The following YBX1 variants were observed in gnomAD, a reference collection of about 807,000 sequenced individuals.
The protein encoded by YBX1 is Y-box-binding protein 1.
In YBX1, 3 loss-of-function variants were observed where a neutral mutation model predicts 41.4. The observed-to-expected ratio is 0.07, with a 90% CI of 0.03 to 0.19. The LOEUF is 0.19. YBX1 is among the 10% of genes least tolerant of loss of function. The pLI, the probability that YBX1 is intolerant of heterozygous loss-of-function variation, is 1.00. For missense variants in YBX1, 274 were observed against 462.8 expected (o/e 0.59, Z 3.74); for synonymous variants, 133 against 165.8 (o/e 0.80, Z 1.52).
intron 2 of YBX1, among the ~76,000 whole-genome samples, chr1:42,689,442 T>C (rs972300098): frequency 6.6e-6 from 1 of 152,232 alleles, no homozygotes; most frequent in Admixed American, 6.5e-5. Context: ...TCTGGTGATC[T>C]GCAACAAAGT....
intron 2 of YBX1, among the ~76,000 whole-genome samples, chr1:42,687,123 A>G (rs1373716304): frequency 1.3e-5 from 2 of 152,176 alleles, no homozygotes; most frequent in Admixed American, 6.5e-5. Context: ...TGGGATTGTT[A>G]AAAGTTCTAG....
At chr1:42,689,129 G>T (rs1002067849) in intron 2 of YBX1, among the ~76,000 whole-genome samples, 1 of 152,184 alleles carries the variant, frequency 6.6e-6, no homozygotes, top group African/African-American at 2.4e-5. Context: ...TGGGGCTGCA[G>T]TTGCTGAGTT....
chr1:42,684,239 G>T (rs1183046898), intron 2 of YBX1, among the ~76,000 whole-genome samples: 1 of 152,200 alleles, frequency 6.6e-6, no homozygotes, highest in African/African-American at 2.4e-5. Context: ...CTTACCCTTC[G>T]GGTTGTTTGT....
At chr1:42,689,289 C>G (rs865873410) in intron 2 of YBX1, among the ~76,000 whole-genome samples, 1 of 152,308 alleles carries the variant, frequency 6.6e-6, no homozygotes, top group Middle Eastern at 3.4e-3. Flanking sequence ...TATTATCTTA[C>G]AGTCATCTAC....
chr1:42,689,952 T>C lies in YBX1; in HGVS notation c.231-3538T>C, dbSNP rs867365287. On this transcript the variant is annotated intron_variant, in intron 2 of 7. Coordinates refer to ENST00000321358, the MANE Select transcript of YBX1 (RefSeq NM_004559.5). ...ACTAAAAAGATTTGAGTACCTACCTTAGTAATGTAAGTTATTAAGTGTTTA... is the reference window on the plus strand; with the variant it reads ...ACTAAAAAGATTTGAGTACCTACCTCAGTAATGTAAGTTATTAAGTGTTTA... Among the ~76,000 whole-genome samples, 6 of 152,308 alleles carry C rather than the reference T, an allele frequency of 3.9e-5. No individual in the cohort carries two copies. The South Asian group carries it at 6.2e-4, about 16-fold the overall frequency.
chr1:42,686,006 A>G lies in YBX1; in HGVS notation c.230+2540A>G, dbSNP rs184657142. On this transcript the variant is annotated intron_variant, in intron 2 of 7. Coordinates refer to ENST00000321358, the MANE Select transcript of YBX1 (RefSeq NM_004559.5). ...GAAATTCTAAGAAATTCATTGAGTTATTCTTTTGTGAACTGTGTCTACAAA... is the reference window on the plus strand; with the variant it reads ...GAAATTCTAAGAAATTCATTGAGTTGTTCTTTTGTGAACTGTGTCTACAAA... Among the ~76,000 whole-genome samples, 528 of 152,324 alleles carry G rather than the reference A, an allele frequency of 3.5e-3. 3 individuals carry two copies. The highest frequency in any genetic ancestry group is 0.014 in the Middle Eastern group (4 of 294).
At chr1:42,688,658 G>C (rs1293658610) in intron 2 of YBX1, among the ~76,000 whole-genome samples, 1 of 152,152 alleles carries the variant, frequency 6.6e-6, no homozygotes, top group Non-Finnish European at 1.5e-5. Context: ...TTGTGGTTTA[G>C]TGCAATACTG....
intron 6 of YBX1, among the ~76,000 whole-genome samples, 192 bp from the exon 7 acceptor site, chr1:42,700,589 A>T (rs1570425614): frequency 1.6e-5 from 2 of 125,952 alleles, no homozygotes; most frequent in Admixed American, 8.6e-5. Flanking sequence ...ACAAAGCAAG[A>T]CTCTTCCCCC....
intron 7 of YBX1, among the ~76,000 whole-genome samples, chr1:42,701,532 T>G (rs1212772346): frequency 6.6e-6 from 1 of 151,898 alleles, no homozygotes. Flanking sequence ...CTAATTGTTT[T>G]TTTTTTTTGT....
chr1:42,692,233 G>A (rs1650359180), intron 2 of YBX1, among the ~76,000 whole-genome samples: 1 of 152,100 alleles, frequency 6.6e-6, no homozygotes, highest in Non-Finnish European at 1.5e-5. Flanking sequence ...GTTTTTTATT[G>A]TATTTCCCCT....
chr1:42,701,788 C>T (rs947242724), intron 7 of YBX1, among the ~76,000 whole-genome samples, 193 bp from the exon 8 acceptor site: 3 of 152,074 alleles, frequency 2.0e-5, no homozygotes, highest in African/African-American at 4.8e-5. Flanking sequence ...TCGAGAGGTA[C>T]GTGATTGTTG....
At position 42,696,150 on chromosome 1, in the gene YBX1, G is replaced by A. The variant is rs1323484956; in HGVS notation, c.265-49G>A. 1.4e-6 allele frequency: 2 copies of A among 1,474,850 alleles called. No individual in the cohort carries two copies. Among genetic ancestry groups the A allele is most frequent in the African/African-American group, 1.4e-5 (1 of 71,192 alleles). The allele number at this position is 1,474,850 out of a possible 1,614,324, so 91.4% of individuals were successfully genotyped here. A position where few individuals can be genotyped will look rare whatever the true frequency, so the allele number is the denominator to read the frequency against. ...ACTCTGGTACATTTTAAATGAAAAA[G>A]CACATTATTCTCCCCTGTTAATCTA... On this transcript the variant is annotated intron_variant, in intron 3 of 7. Transcript: ENST00000321358. This position sits in a 1 kb window ranked among gnomAD's most constrained non-coding sequence, Gnocchi z 5.7.
rs768830623 is a variant in YBX1 at position 42,683,157 on chromosome 1, C to A, written c.167-246C>A. 1.9e-4 allele frequency: 121 copies of A among 647,406 alleles called. 1 individual carries two copies. The highest frequency in any genetic ancestry group is 2.9e-4 in the Non-Finnish European group (104 of 355,238). The allele number at this position is 647,406 out of a possible 1,614,324, so 40.1% of individuals were successfully genotyped here. Reference sequence around the variant, plus strand: ...CCTTCCCTCACGTGCTCTCCGTCCGCGGCCTGCGCACACACCCATCCTGGG... The same window carrying A: ...CCTTCCCTCACGTGCTCTCCGTCCGAGGCCTGCGCACACACCCATCCTGGG... On this transcript the variant is annotated intron_variant, in intron 1 of 7. Coordinates refer to ENST00000321358, the MANE Select transcript of YBX1 (RefSeq NM_004559.5).
At chr1:42,689,385 A>G (rs1650274598) in intron 2 of YBX1, among the ~76,000 whole-genome samples, 1 of 152,194 alleles carries the variant, frequency 6.6e-6, no homozygotes, top group Admixed American at 6.5e-5. Flanking sequence ...ACAGGATTGT[A>G]AATTAGTGTA....
chr1:42,687,426 G>A (rs1301203199), intron 2 of YBX1, among the ~76,000 whole-genome samples: 1 of 152,080 alleles, frequency 6.6e-6, no homozygotes, highest in Non-Finnish European at 1.5e-5. Context: ...TGGGATTACA[G>A]GCGCCCGCCA....
chr1:42,700,162 T>C (rs891696235), intron 6 of YBX1, among the ~76,000 whole-genome samples: 1 of 152,018 alleles, frequency 6.6e-6, no homozygotes, highest in Non-Finnish European at 1.5e-5. Context: ...AGTTTTAGAA[T>C]GTACAAAGGT....
At chr1:42,683,785 T>A (rs1049201010) in intron 2 of YBX1, among the ~76,000 whole-genome samples, 48 of 152,354 alleles carry the variant, frequency 3.2e-4, no homozygotes, top group African/African-American at 1.1e-3. Flanking sequence ...TACGGTCCAG[T>A]ACATTTTTAT....
Position 42,703,269 on chromosome 1 carries a change from T to G in YBX1, c.*1320T>G, listed in dbSNP as rs1413709855. Among the ~76,000 whole-genome samples, 1 of 152,094 alleles carries G rather than the reference T, an allele frequency of 6.6e-6. No homozygotes were observed. The highest frequency in any genetic ancestry group is 1.9e-4 in the East Asian group (1 of 5,174). On this transcript the variant is annotated 3_prime_UTR_variant, in exon 8 of 8. Transcript: ENST00000321358. ...ATGTTTTGTTAGATGTTCTTTGGCT[T>G]GCTTTGTGAAATAGTCATGTAGTTG... is the stretch of plus-strand genomic sequence containing the variant.
chr1:42,682,467 G>T lies in YBX1; in HGVS notation c.-99G>T, dbSNP rs1010546576. On this transcript the variant is annotated 5_prime_UTR_variant, in exon 1 of 8. Transcript: ENST00000321358. ...GGGAGCGGAGAGCGGACCCCAGAGAGCCCTGAGCAGCCCCACCGCCGCCGC... is the reference window on the plus strand; with the variant it reads ...GGGAGCGGAGAGCGGACCCCAGAGATCCCTGAGCAGCCCCACCGCCGCCGC... 4.1e-4 allele frequency: 522 copies of T among 1,286,390 alleles called. No homozygotes were observed. The highest frequency in any genetic ancestry group is 4.3e-4 in the Admixed American group (11 of 25,744). 79.7% of individuals were successfully genotyped at this position (1,286,390 alleles called of 1,614,324 possible).
Sources: allele counts gnomAD v4.1 joint callset (sites outside exome capture counted in the v4.1 genomes callset), GRCh38; gene constraint gnomAD v4.1.1; non-coding constraint Gnocchi (gnomAD v3.1); transcripts MANE v1.5; gene names NCBI Gene and HGNC (gene_info 2026-07-23, HGNC 2026-07-21).